Variants in PKD2 observed in about 807,000 individuals in gnomAD.
PKD2 encodes the protein polycystin-2.
PKD2 carries 48 observed loss-of-function variants against 105.9 expected under a neutral mutation model. The ratio of observed to expected loss-of-function variants is 0.45; its 90% CI spans 0.36 to 0.58. The LOEUF is 0.58. Ranked by LOEUF, PKD2 falls within the 20% of genes least tolerant of loss-of-function variation. The pLI is 0.00. For synonymous variants in PKD2, 464 were observed against 481.1 expected, an observed-to-expected ratio of 0.96 and a Z score of 0.46; for missense variants, 1,078 against 1,255.3, an observed-to-expected ratio of 0.86 and a Z score of 2.13.
rs1171113610 is a variant in PKD2 at position 88,023,744 on chromosome 4, G to C, written c.709+4173G>C. ...ATACATGAAAAGATCCTAGGATGCTGTCTGTCATACAGTAGTAGTAGTAAG... is the reference window on the plus strand; with the variant it reads ...ATACATGAAAAGATCCTAGGATGCTCTCTGTCATACAGTAGTAGTAGTAAG... On this transcript the variant is annotated intron_variant, in intron 2 of 14. Transcript: ENST00000237596. Among the ~76,000 whole-genome samples the C allele has an allele frequency of 2.6e-5, 4 of 152,338 alleles. No homozygotes were observed. In the East Asian group the frequency reaches 5.8e-4, roughly 22 times the overall value.
chr4:88,052,010 G>A lies in PKD2; in HGVS notation c.1568G>A (p.Gly523Glu). The A allele has an allele frequency of 1.3e-6, 2 of 1,590,018 alleles. No homozygotes were observed. Among genetic ancestry groups the A allele is most frequent in the Middle Eastern group, 1.7e-4 (1 of 6,012 alleles). The part of the protein sequence containing the change: ...VIVVLSVVAI[G>E]INIYRTSNVE... ...TTTCAGCTGTCAGTGGTAGCTATAGGAATTAACATATACAGAACATCAAAT... is the reference window on the plus strand; with the variant it reads ...TTTCAGCTGTCAGTGGTAGCTATAGAAATTAACATATACAGAACATCAAAT... Residue 523 changes from glycine (G) to glutamate (E), a missense_variant, in exon 7 of 15, where the codon GGA (glycine) becomes GAA (glutamate). Transcript: ENST00000237596.
At chr4:88,066,764 A>G (rs4336187) in intron 12 of PKD2, among the ~76,000 whole-genome samples, 46,707 of 152,100 alleles carry the variant, frequency 0.31, 10,795 homozygotes, top group African/African-American at 0.64. Context: ...AAAAAAATTC[A>G]AAGCTTTACC....
intron 9 of PKD2, among the ~76,000 whole-genome samples, chr4:88,058,562 TAAG>T (rs1720447976): frequency 6.6e-6 from 1 of 152,114 alleles, no homozygotes; most frequent in Non-Finnish European, 1.5e-5. Context: ...TTTTAAAAAA[TAAG>T]AACGGAAAAG....
chr4:88,025,833 T>G (rs72873470), intron 2 of PKD2, among the ~76,000 whole-genome samples: 4,608 of 152,158 alleles, frequency 0.03, 229 homozygotes, highest in African/African-American at 0.11. Context: ...GGTTGTTTGG[T>G]AGGTGTCTGT....
intron 10 of PKD2, 80 bp from the exon 11 acceptor site, chr4:88,065,294 A>G: frequency 8.0e-7 from 1 of 1,252,478 alleles, no homozygotes; most frequent in South Asian, 1.2e-5. Context: ...TGTAGTAGTT[A>G]CTACTGTGAA....
intron 10 of PKD2, 64 bp from the exon 11 acceptor site, chr4:88,065,310 A>G: frequency 1.3e-6 from 2 of 1,483,642 alleles, no homozygotes; most frequent in African/African-American, 2.8e-5. Context: ...GTGAATGGAA[A>G]GTAAAACAGA....
chr4:88,028,668 G>T (rs1478679552), intron 2 of PKD2, among the ~76,000 whole-genome samples: 1 of 152,200 alleles, frequency 6.6e-6, no homozygotes, highest in African/African-American at 2.4e-5. Context: ...CCTTGCTATT[G>T]TGTGGCTGAG....
chr4:88,037,250 C>CA lies in PKD2; in HGVS notation c.843+906dup, dbSNP rs200784552. 2.8e-4 allele frequency among the ~76,000 whole-genome samples: 42 copies of CA among 150,188 alleles called. 1 individual carries two copies. The South Asian group carries it at 6.2e-3, about 22-fold the overall frequency. ...ACCCTTTCTCAAAAAAAATCCCCCC[C>CA]AAAAAAAAACCCAAAAACAAACAAA... is the stretch of plus-strand genomic sequence containing the variant. On this transcript the variant is annotated intron_variant, in intron 3 of 14. Coordinates refer to ENST00000237596, the MANE Select transcript of PKD2 (RefSeq NM_000297.4).
intron 6 of PKD2, among the ~76,000 whole-genome samples, chr4:88,051,052 T>G (rs1042595856): frequency 6.6e-6 from 1 of 152,224 alleles, no homozygotes; most frequent in Admixed American, 6.5e-5. Flanking sequence ...GGGGCCAGGT[T>G]GTTATGACTA....
intron 2 of PKD2, 66 bp downstream of exon 2, chr4:88,019,637 A>G: frequency 1.1e-6 from 1 of 890,340 alleles, no homozygotes; most frequent in Non-Finnish European, 1.9e-6. Context: ...CCAAATCATA[A>G]TTAAAAGGAA....
Position 88,007,704 on chromosome 4 carries a change from G to A in PKD2, c.-30G>A, listed in dbSNP as rs1413388495. 2 of 1,167,538 alleles carry A rather than the reference G, an allele frequency of 1.7e-6. No individual in the cohort carries two copies. Among genetic ancestry groups the A allele is most frequent in the Non-Finnish European group, 2.1e-6 (2 of 939,994 alleles). 72.3% of individuals were successfully genotyped at this position (1,167,538 alleles called of 1,614,324 possible). ...CGCACAGCGCCGAGCGCGGCGCCGC[G>A]CACCCGCGCGCCGGACGCCAGTGAC... On this transcript the variant is annotated 5_prime_UTR_variant, in exon 1 of 15. Transcript: ENST00000237596.
At position 88,052,975 on chromosome 4, in the gene PKD2, T is replaced by C. The variant is rs1157239360; in HGVS notation, c.1716+817T>C. Among the ~76,000 whole-genome samples the C allele has an allele frequency of 2.6e-5, 4 of 152,182 alleles. No homozygotes were observed. In the East Asian group the frequency reaches 7.7e-4, roughly 29 times the overall value. On this transcript the variant is annotated intron_variant, in intron 7 of 14. Coordinates refer to ENST00000237596, the MANE Select transcript of PKD2 (RefSeq NM_000297.4). ...TTATTGTCCCAAGATATAATGTGCA[T>C]TTCCATGTGTGTGAAAGGTTATGAC...
chr4:88,043,265 G>A lies in PKD2; in HGVS notation c.1127G>A (p.Gly376Asp). 1 of 1,612,498 alleles carries A rather than the reference G, an allele frequency of 6.2e-7. No homozygotes were observed. The highest frequency in any genetic ancestry group is 8.5e-7 in the Non-Finnish European group (1 of 1,178,622). Residue 376 changes from glycine (G) to aspartate (D), a missense_variant, in exon 5 of 15, where the codon GGT becomes GAT. Gly to Asp is a moderately conservative substitution (Grantham distance 94). Around this residue, in one of 2 missense-constraint regions of PKD2, gnomAD observed 868 missense variants for 1,067.3 expected, o/e 0.81. Coordinates refer to ENST00000237596, the MANE Select transcript of PKD2 (RefSeq NM_000297.4). ...WIYTSEKDLN[G>D]SSHWGIIATY... ...TACACAAGTGAAAAAGACTTGAATG[G>A]TAGTAGCCACTGGGGAATCATTGCA...
chr4:88,063,070 A>G (rs901981479), intron 10 of PKD2, among the ~76,000 whole-genome samples: 2 of 152,232 alleles, frequency 1.3e-5, no homozygotes, highest in Admixed American at 6.5e-5. Context: ...TGTATAGATC[A>G]GTTACCTGAG....
chr4:88,022,669 T>C (rs892925313), intron 2 of PKD2, among the ~76,000 whole-genome samples: 1 of 152,212 alleles, frequency 6.6e-6, no homozygotes, highest in Non-Finnish European at 1.5e-5. Flanking sequence ...CAATATCAAA[T>C]GACCAAGAAT....
rs1720859374 is a variant in PKD2 at position 88,067,984 on chromosome 4, T to A, written c.2445T>A (p.Asp815Glu). 1 of 1,613,836 alleles carries A rather than the reference T, an allele frequency of 6.2e-7. No individual in the cohort carries two copies. Among genetic ancestry groups the A allele is most frequent in the Non-Finnish European group, 8.5e-7 (1 of 1,179,830 alleles). Residue 815 changes from aspartate (D) to glutamate (E), a missense_variant, in exon 13 of 15, where the codon GAT becomes GAA. Physicochemically the swap from Asp to Glu is conservative, Grantham distance 45. This residue lies in a region of PKD2 where 868 missense variants were observed against 1,067.3 expected (regional missense o/e 0.81). Transcript: ENST00000237596. ...FPRSLDDSEE[D>E]DDEDSGHSSR... is the part of the protein sequence containing the mutation. ...GAAGCCTGGATGACTCTGAGGAGGA[T>A]GACGATGAAGATAGCGGACATAGCT...
intron 2 of PKD2, among the ~76,000 whole-genome samples, chr4:88,022,287 C>T (rs528769969): frequency 7.2e-5 from 11 of 152,276 alleles, no homozygotes; most frequent in Admixed American, 3.9e-4. Flanking sequence ...AGCTACTCCC[C>T]GAAGCCTCAC....
chr4:88,017,444 C>CT (rs1176745935), intron 1 of PKD2, among the ~76,000 whole-genome samples: 1 of 152,204 alleles, frequency 6.6e-6, no homozygotes, highest in Admixed American at 6.5e-5. Flanking sequence ...GAGTCTCACT[C>CT]TGTCACCCAG....
chr4:88,039,590 G>A lies in PKD2; in HGVS notation c.1094+1089G>A, dbSNP rs182349965. Among the ~76,000 whole-genome samples, 322 of 151,036 alleles carry A rather than the reference G, an allele frequency of 2.1e-3. 1 individual carries two copies. Among genetic ancestry groups the A allele is most frequent in the African/African-American group, 7.6e-3 (313 of 41,040 alleles). On this transcript the variant is annotated intron_variant, in intron 4 of 14. Coordinates refer to ENST00000237596, the MANE Select transcript of PKD2 (RefSeq NM_000297.4). The stretch of plus-strand genomic sequence containing the variant: ...TGAGGCAGGAGAATTGCTTGAGCCC[G>A]AGTGGTGGGGGTTGCAGTGAGCTGA...
Sources: gnomAD v4.1 joint callset for allele counts (sites outside exome capture counted in the v4.1 genomes callset) on GRCh38, gnomAD v4.1.1 for gene constraint, gnomAD v4.1.1 regional missense constraint, MANE v1.5 for transcripts, NCBI Gene and HGNC (gene_info 2026-07-23, HGNC 2026-07-21) for gene names.